Variants in ISG15 observed in about 807,000 individuals in gnomAD.
The protein encoded by ISG15 is ubiquitin-like protein ISG15.
Under a neutral mutation model 2.4 loss-of-function variants are expected in ISG15, and 2 were observed. The observed-to-expected ratio is 0.82, with a 90% CI of 0.33 to 2.57. The LOEUF is 2.57. Among genes scored for constraint, ISG15 ranks in the 30% most tolerant of loss-of-function variants. The pLI, the probability that ISG15 is intolerant of heterozygous loss-of-function variation, is 0.11. For missense variants in ISG15, 224 were observed against 228.4 expected (o/e 0.98, Z 0.13); for synonymous variants, 116 against 108.1 (o/e 1.07, Z -0.45).
At chr1:1,013,832 T>A in intron 1 of ISG15, 152 bp from the exon 2 acceptor site, 1 of 1,148,838 alleles carries the variant, frequency 8.7e-7, no homozygotes, top group African/African-American at 1.5e-5. Flanking sequence ...CCTCAGTGCC[T>A]TCTGTGCCTG....
intron 1 of ISG15, 73 bp from the exon 2 acceptor site, chr1:1,013,911 C>T: frequency 6.6e-7 from 1 of 1,522,786 alleles, no homozygotes; most frequent in Non-Finnish European, 8.8e-7. Context: ...GGAGCTCGCC[C>T]TGCAGCCAGT....
chr1:1,013,856 C>G lies in ISG15; in HGVS notation c.4-128C>G, dbSNP rs537960761. On this transcript the variant is annotated intron_variant, in intron 1 of 1. Coordinates refer to ENST00000649529, the MANE Select transcript of ISG15 (RefSeq NM_005101.4). ...CTTCTGTGCCTGGGGTCCCTGCCGG[C>G]GGGATGTAGAGGACAGACAGGAGGG... The G allele has an allele frequency of 3.8e-6, 5 of 1,302,478 alleles. No homozygotes were observed. In the African/African-American group the frequency reaches 7.4e-5, roughly 19 times the overall value. 80.7% of individuals were successfully genotyped at this position (1,302,478 alleles called of 1,614,324 possible).
chr1:1,014,267 A>T lies in ISG15; in HGVS notation c.287A>T (p.Tyr96Phe), dbSNP rs1407064035. ...AATAACAAGGGCCGCAGCAGCACCTACGAGGTACGGCTGACGCAGACCGTG... is the reference window on the plus strand; with the variant it reads ...AATAACAAGGGCCGCAGCAGCACCTTCGAGGTACGGCTGACGCAGACCGTG... ...VRNNKGRSST[Y>F]EVRLTQTVAH... The change falls in exon 2 of 2, where the codon TAC becomes TTC. Residue 96 changes from tyrosine to phenylalanine, a missense_variant. Transcript: ENST00000649529. 3.7e-6 allele frequency: 6 copies of T among 1,613,498 alleles called. No homozygotes were observed. The highest frequency in any genetic ancestry group is 5.1e-6 in the Non-Finnish European group (6 of 1,179,956).
Position 1,014,204 on chromosome 1 carries a change from T to G in ISG15, c.224T>G (p.Val75Gly). Residue 75 changes from valine to glycine, a missense_variant, in exon 2 of 2, where the codon GTG becomes GGG. Transcript: ENST00000649529. ...LGPGSTVLLV[V>G]DKCDEPLSIL... The stretch of plus-strand genomic sequence containing the variant: ...CCCGGCAGCACGGTCCTGCTGGTGG[T>G]GGACAAATGCGACGAACCTCTGAGC... 1 of 1,613,430 alleles carries G rather than the reference T, an allele frequency of 6.2e-7. No homozygotes were observed. Among genetic ancestry groups the G allele is most frequent in the Non-Finnish European group, 8.5e-7 (1 of 1,179,944 alleles).
At chr1:1,013,943 G>C in intron 1 of ISG15, 41 bp from the exon 2 acceptor site, 1 of 1,551,964 alleles carries the variant, frequency 6.4e-7, no homozygotes, top group East Asian at 2.3e-5. Context: ...GGTGGGCCTG[G>C]GGCTGGCGCC....
In ISG15 at chr1:1,014,214, C is replaced by T. The variant is rs759876537; in HGVS notation, c.234C>T (p.Cys78=). 13 of 1,613,536 alleles carry T rather than the reference C, an allele frequency of 8.1e-6. 1 individual carries two copies. The East Asian group carries it at 1.8e-4, about 22-fold the overall frequency. ...CGGTCCTGCTGGTGGTGGACAAATG[C>T]GACGAACCTCTGAGCATCCTGGTGA... ...GSTVLLVVDK[C]DEPLSILVRN... Residue 78 remains cysteine, a synonymous_variant, in exon 2 of 2, where the codon TGC becomes TGT. Coordinates refer to ENST00000649529, the MANE Select transcript of ISG15 (RefSeq NM_005101.4).
Position 1,014,237 on chromosome 1 carries a change from T to G in ISG15, c.257T>G (p.Val86Gly). 6.2e-7 allele frequency: 1 copy of G among 1,613,514 alleles called. No homozygotes were observed. The highest frequency in any genetic ancestry group is 8.5e-7 in the Non-Finnish European group (1 of 1,179,962). The stretch of plus-strand genomic sequence containing the variant: ...TGCGACGAACCTCTGAGCATCCTGG[T>G]GAGGAATAACAAGGGCCGCAGCAGC... ...DKCDEPLSIL[V>G]RNNKGRSSTY... Residue 86 changes from valine to glycine, a missense_variant, in exon 2 of 2, where the codon GTG becomes GGG. By Grantham distance (109) the Val-to-Gly change is moderately radical. Coordinates refer to ENST00000649529, the MANE Select transcript of ISG15 (RefSeq NM_005101.4).
Position 1,014,028 on chromosome 1 carries a change from G to C in ISG15, c.48G>C (p.Gln16His). Residue 16 changes from glutamine to histidine, a missense_variant, in exon 2 of 2, where the codon CAG becomes CAC. Physicochemically the swap from Gln to His is conservative, Grantham distance 24. Coordinates refer to ENST00000649529, the MANE Select transcript of ISG15 (RefSeq NM_005101.4). ...AGATGCTGGCGGGCAACGAATTCCA[G>C]GTGTCCCTGAGCAGCTCCATGTCGG... is the stretch of plus-strand genomic sequence containing the variant. ...TVKMLAGNEF[Q>H]VSLSSSMSVS... The C allele has an allele frequency of 6.2e-7, 1 of 1,605,676 alleles. No homozygotes were observed. The highest frequency in any genetic ancestry group is 8.5e-7 in the Non-Finnish European group (1 of 1,173,486).
chr1:1,014,034 C>A lies in ISG15; in HGVS notation c.54C>A (p.Ser18=). The stretch of plus-strand genomic sequence containing the variant: ...TGGCGGGCAACGAATTCCAGGTGTC[C>A]CTGAGCAGCTCCATGTCGGTGTCAG... ...KMLAGNEFQV[S]LSSSMSVSEL... The change falls in exon 2 of 2, where the codon TCC becomes TCA. Residue 18 remains serine, a synonymous_variant. Transcript: ENST00000649529. The A allele has an allele frequency of 6.2e-7, 1 of 1,610,200 alleles. No individual in the cohort carries two copies. The highest frequency in any genetic ancestry group is 8.5e-7 in the Non-Finnish European group (1 of 1,177,272).
intron 1 of ISG15, among the ~76,000 whole-genome samples, 167 bp from the exon 2 acceptor site, chr1:1,013,817 C>T (rs1255380376): frequency 2.6e-5 from 4 of 152,202 alleles, no homozygotes; most frequent in South Asian, 2.1e-4. Context: ...CTTCTAGTAA[C>T]GAGCCCTCAG....
Position 1,014,266 on chromosome 1 carries a change from T to G in ISG15, c.286T>G (p.Tyr96Asp). Residue 96 changes from tyrosine to aspartate, a missense_variant, in exon 2 of 2, where the codon TAC (tyrosine) becomes GAC (aspartate). Physicochemically the swap from Tyr to Asp is radical, Grantham distance 160. Transcript: ENST00000649529. ...VRNNKGRSSTYEVRLTQTVAH... is the reference protein window; with the variant it reads ...VRNNKGRSSTDEVRLTQTVAH... The stretch of plus-strand genomic sequence containing the variant: ...GAATAACAAGGGCCGCAGCAGCACC[T>G]ACGAGGTACGGCTGACGCAGACCGT... The G allele has an allele frequency of 6.2e-7, 1 of 1,613,606 alleles. No individual in the cohort carries two copies. The highest frequency in any genetic ancestry group is 8.5e-7 in the Non-Finnish European group (1 of 1,179,954).
chr1:1,013,743 G>A lies in ISG15; in HGVS notation c.3+167G>A, dbSNP rs140198533. ...GCAGGTCACCCCTGAGATCCTCAGGGTGGGGCACAGAGGGGCACCCTAGCA... is the reference window on the plus strand; with the variant it reads ...GCAGGTCACCCCTGAGATCCTCAGGATGGGGCACAGAGGGGCACCCTAGCA... On this transcript the variant is annotated intron_variant, in intron 1 of 1. Coordinates refer to ENST00000649529, the MANE Select transcript of ISG15 (RefSeq NM_005101.4). 7.4e-3 allele frequency among the ~76,000 whole-genome samples: 1,120 copies of A among 152,338 alleles called. 6 individuals are homozygous for A. Among genetic ancestry groups the A allele is most frequent in the Middle Eastern group, 0.037 (11 of 294 alleles).
At chr1:1,013,867 G>A in intron 1 of ISG15, 117 bp from the exon 2 acceptor site, 1 of 1,376,410 alleles carries the variant, frequency 7.3e-7, no homozygotes, top group Non-Finnish European at 9.8e-7. Flanking sequence ...GGGATGTAGA[G>A]GACAGACAGG....
Position 1,014,298 on chromosome 1 carries a change from C to T in ISG15, c.318C>T (p.His106=). 6.2e-7 allele frequency: 1 copy of T among 1,613,708 alleles called. No homozygotes were observed. ...YEVRLTQTVA[H]LKQQVSGLEG... ...TACGGCTGACGCAGACCGTGGCCCA[C>T]CTGAAGCAGCAAGTGAGCGGGCTGG... Residue 106 remains histidine (H), a synonymous_variant, in exon 2 of 2, where the codon CAC becomes CAT. Transcript: ENST00000649529.
At chr1:1,013,779 G>C (rs1400660497) in intron 1 of ISG15, among the ~76,000 whole-genome samples, 1 of 152,240 alleles carries the variant, frequency 6.6e-6, no homozygotes, top group Non-Finnish European at 1.5e-5. Flanking sequence ...GGTAAAGGGA[G>C]GCCACGGGAT....
rs758004541 is a variant in ISG15 at position 1,014,507 on chromosome 1, A to G, written c.*29A>G. 3.6e-5 allele frequency: 56 copies of G among 1,567,582 alleles called. No homozygotes were observed. Among genetic ancestry groups the G allele is most frequent in the Admixed American group, 1.3e-4 (7 of 54,910 alleles). ...CCTCCACCAGCATCCGAGCAGGATC[A>G]AGGGCCGGAAATAAAGGCTGTTGTA... On this transcript the variant is annotated 3_prime_UTR_variant, in exon 2 of 2. Coordinates refer to ENST00000649529, the MANE Select transcript of ISG15 (RefSeq NM_005101.4).
chr1:1,013,616 G>A (rs1171041501), intron 1 of ISG15, 40 bp downstream of exon 1: 29 of 1,609,860 alleles, frequency 1.8e-5, no homozygotes, highest in Non-Finnish European at 2.5e-5. Context: ...TGGGCTCTGT[G>A]CCAGCCAATT....
In ISG15 at chr1:1,014,518, A is replaced by G. The variant is rs1333898245; in HGVS notation, c.*40A>G. 5 of 1,556,746 alleles carry G rather than the reference A, an allele frequency of 3.2e-6. No individual in the cohort carries two copies. The African/African-American group carries it at 4.1e-5, about 13-fold the overall frequency. ...ATCCGAGCAGGATCAAGGGCCGGAA[A>G]TAAAGGCTGTTGTAAAGAGAAATGG... On this transcript the variant is annotated 3_prime_UTR_variant, in exon 2 of 2. Transcript: ENST00000649529.
chr1:1,014,234 T>C lies in ISG15; in HGVS notation c.254T>C (p.Leu85Pro), dbSNP rs1477663018. 19 of 1,613,468 alleles carry C rather than the reference T, an allele frequency of 1.2e-5. No homozygotes were observed. Among genetic ancestry groups the C allele is most frequent in the Non-Finnish European group, 1.4e-5 (17 of 1,179,986 alleles). ...VDKCDEPLSI[L>P]VRNNKGRSST... ...AAATGCGACGAACCTCTGAGCATCC[T>C]GGTGAGGAATAACAAGGGCCGCAGC... The change falls in exon 2 of 2, where the codon CTG (leucine) becomes CCG (proline). Residue 85 changes from leucine to proline, a missense_variant. Coordinates refer to ENST00000649529, the MANE Select transcript of ISG15 (RefSeq NM_005101.4).
Sources: gnomAD v4.1 joint callset for allele counts (sites outside exome capture counted in the v4.1 genomes callset) on GRCh38, gnomAD v4.1.1 for gene constraint, MANE v1.5 for transcripts, NCBI Gene and HGNC (gene_info 2026-07-23, HGNC 2026-07-21) for gene names.